The following SCML4 variants were observed in gnomAD, a reference collection of about 807,000 sequenced individuals.
SCML4 encodes the protein sex comb on midleg-like protein 4.
A neutral mutation model predicts 41.1 loss-of-function variants in SCML4; 34 were observed. The observed-to-expected ratio is 0.83, with a 90% confidence interval of 0.63 to 1.10. The LOEUF (loss-of-function observed/expected upper bound fraction) is 1.10. SCML4 is among the 50% of genes least tolerant of loss of function. The pLI is 0.00. For missense variants in SCML4, 522 were observed against 534.1 expected, an observed-to-expected ratio of 0.98 and a Z score of 0.22; for synonymous variants, 214 against 220.9, an observed-to-expected ratio of 0.97 and a Z score of 0.28.
chr6:107,709,448 G>A lies in SCML4; in HGVS notation c.974-1437C>T, dbSNP rs527411880. ...GAGGCTGACCTATGTCAGGTGCTCC[G>A]CCAAGGGCGGGAGCCTCCCTACCTT... On this transcript the variant is annotated intron_variant, in intron 6 of 7. Coordinates refer to ENST00000369020, the MANE Select transcript of SCML4 (RefSeq NM_198081.5). Among the ~76,000 whole-genome samples the A allele has an allele frequency of 2.5e-4, 38 of 152,316 alleles. No individual in the cohort carries two copies. In the South Asian group the frequency reaches 5.6e-3, roughly 22 times the overall value.
At chr6:107,761,726 T>C (rs10080891) in intron 2 of SCML4, among the ~76,000 whole-genome samples, 110,605 of 151,712 alleles carry the variant, frequency 0.73, 41,813 homozygotes, top group East Asian at 0.9. Flanking sequence ...CATGAGCCAC[T>C]ATACCCGGCA....
At chr6:107,741,904 A>G (rs1276087831) in intron 5 of SCML4, among the ~76,000 whole-genome samples, 3 of 152,258 alleles carry the variant, frequency 2.0e-5, no homozygotes, top group Non-Finnish European at 4.4e-5. Flanking sequence ...AACGGCTGAC[A>G]GGAAACCGTG....
intron 6 of SCML4, among the ~76,000 whole-genome samples, chr6:107,715,100 G>A (rs1287212933): frequency 6.7e-6 from 1 of 149,550 alleles, no homozygotes; most frequent in Non-Finnish European, 1.5e-5. Flanking sequence ...TCAGCCTCCC[G>A]AGTAGCTGGG....
intron 7 of SCML4, among the ~76,000 whole-genome samples, chr6:107,707,298 A>G (rs938845361): frequency 1.5e-4 from 23 of 152,116 alleles, no homozygotes; most frequent in Admixed American, 1.2e-3. Context: ...ACAGAATGAG[A>G]CTCCGTCTCA....
intron 2 of SCML4, among the ~76,000 whole-genome samples, chr6:107,750,926 C>T (rs1337500686): frequency 9.9e-5 from 15 of 152,138 alleles, no homozygotes; most frequent in Admixed American, 8.5e-4. Context: ...CACTTTCGTC[C>T]TGGATTTTTA....
rs190266898 is a variant in SCML4 at position 107,810,901 on chromosome 6, G to A, written c.-60+13225C>T. Among the ~76,000 whole-genome samples the A allele has an allele frequency of 5.9e-5, 9 of 152,122 alleles. No homozygotes were observed. The East Asian group carries it at 1.4e-3, about 23-fold the overall frequency. ...AGCAATCATCCCACCTCATCCTCCCGAAGTGCTGGGATTACACATGTGAAC... is the reference window on the plus strand; with the variant it reads ...AGCAATCATCCCACCTCATCCTCCCAAAGTGCTGGGATTACACATGTGAAC... On this transcript the variant is annotated intron_variant, in intron 1 of 7. Coordinates refer to ENST00000369020, the MANE Select transcript of SCML4 (RefSeq NM_198081.5).
intron 1 of SCML4, among the ~76,000 whole-genome samples, chr6:107,800,249 A>T (rs965965455): frequency 3.9e-5 from 6 of 152,210 alleles, no homozygotes; most frequent in African/African-American, 1.2e-4. Context: ...AACTCCAAAA[A>T]TTGTGTTAAC....
chr6:107,727,519 G>A lies in SCML4; in HGVS notation c.683-6526C>T, dbSNP rs752525683. On this transcript the variant is annotated intron_variant, in intron 5 of 7. Coordinates refer to ENST00000369020, the MANE Select transcript of SCML4 (RefSeq NM_198081.5). ...ACGTGCAGTCAAGTGTAACAAACAC[G>A]GCGTTGGCCACCAGGACACACATAA... is the stretch of plus-strand genomic sequence containing the variant. Among the ~76,000 whole-genome samples the A allele has an allele frequency of 4.1e-4, 63 of 152,028 alleles. 3 individuals carry two copies. The highest frequency in any genetic ancestry group is 1.5e-4 in the Non-Finnish European group (10 of 68,010).
In SCML4 at chr6:107,736,071, G is replaced by T. The variant is rs866478171; in HGVS notation, c.682+8878C>A. On this transcript the variant is annotated intron_variant, in intron 5 of 7. Transcript: ENST00000369020. ...GTGTGGGTTTTGTAGAAATGAGGAAGTTCCCTGGCAGCTGGAATGATGGGC... is the reference window on the plus strand; with the variant it reads ...GTGTGGGTTTTGTAGAAATGAGGAATTTCCCTGGCAGCTGGAATGATGGGC... Among the ~76,000 whole-genome samples, 13 of 152,082 alleles carry T rather than the reference G, an allele frequency of 8.5e-5. No individual in the cohort carries two copies. In the South Asian group the frequency reaches 1.0e-3, roughly 12 times the overall value.
At chr6:107,825,878 A>C (rs113437614), upstream of SCML4, among the ~76,000 whole-genome samples, 2,468 of 137,886 alleles carry the variant, frequency 0.018, 66 homozygotes, top group African/African-American at 0.064. Flanking sequence ...CGGAGCTCAC[A>C]GTGAGCCGAT....
intron 5 of SCML4, among the ~76,000 whole-genome samples, chr6:107,728,899 G>T (rs1776258215): frequency 6.6e-6 from 1 of 152,140 alleles, no homozygotes; most frequent in Non-Finnish European, 1.5e-5. Flanking sequence ...CACACACTGT[G>T]GTGGCTTCCA....
intron 1 of SCML4, among the ~76,000 whole-genome samples, chr6:107,796,276 C>A (rs554438242): frequency 1.3e-5 from 2 of 152,234 alleles, no homozygotes; most frequent in East Asian, 3.9e-4. Flanking sequence ...ACCATTTTCA[C>A]TCCCAGCAAT....
intron 2 of SCML4, among the ~76,000 whole-genome samples, chr6:107,752,444 A>G (rs973558613): frequency 2.0e-5 from 3 of 152,140 alleles, no homozygotes; most frequent in Admixed American, 6.6e-5. Flanking sequence ...AGATATCATC[A>G]GAGAAGTGAA....
chr6:107,733,163 C>T (rs774151255), intron 5 of SCML4, among the ~76,000 whole-genome samples: 8 of 152,190 alleles, frequency 5.3e-5, no homozygotes, highest in Non-Finnish European at 1.0e-4. Flanking sequence ...TGCACCTGGT[C>T]CCCTGACCCA....
At chr6:107,823,759 C>T (rs1014281793) in intron 1 of SCML4, among the ~76,000 whole-genome samples, 14 of 151,906 alleles carry the variant, frequency 9.2e-5, no homozygotes, top group African/African-American at 2.9e-4. Flanking sequence ...GCAAAATTAT[C>T]GTGAAGGGAA....
chr6:107,834,740 G>C, the SCML4 span, among the ~76,000 whole-genome samples: 1 of 152,142 alleles, frequency 6.6e-6, no homozygotes. Context: ...GAGCCCAGGA[G>C]TTCAAGACCA....
At chr6:107,757,696 G>A (rs981360651) in intron 2 of SCML4, among the ~76,000 whole-genome samples, 2 of 152,168 alleles carry the variant, frequency 1.3e-5, no homozygotes, top group Non-Finnish European at 1.5e-5. Flanking sequence ...AAATGCAGAA[G>A]TTTAGCATAA....
intron 2 of SCML4, among the ~76,000 whole-genome samples, chr6:107,767,794 G>T (rs1340342848): frequency 6.6e-6 from 1 of 152,134 alleles, no homozygotes; most frequent in Non-Finnish European, 1.5e-5. Context: ...GTGACTAACT[G>T]CTGGCCTGAG....
At chr6:107,773,066 C>T (rs974555108) in intron 1 of SCML4, among the ~76,000 whole-genome samples, 76 of 152,122 alleles carry the variant, frequency 5.0e-4, no homozygotes, top group African/African-American at 1.7e-3. Context: ...TAGTTAAAAG[C>T]CTTTAATGAC....
Sources: gnomAD v4.1 joint callset for allele counts (sites outside exome capture counted in the v4.1 genomes callset) on GRCh38, gnomAD v4.1.1 for gene constraint, MANE v1.5 for transcripts, NCBI Gene and HGNC (gene_info 2026-07-23, HGNC 2026-07-21) for gene names.